The following TBC1D10A variants were observed in gnomAD, a reference collection of about 807,000 sequenced individuals.
TBC1D10A encodes the protein EBP50-PDX interactor of 64 kDa.
In TBC1D10A, 24 loss-of-function variants were observed where a neutral mutation model predicts 52.9. That is an observed-to-expected ratio of 0.45 (90% CI 0.33 to 0.64). The LOEUF (loss-of-function observed/expected upper bound fraction) is 0.64. Ranked by LOEUF, TBC1D10A falls within the 30% of genes least tolerant of loss-of-function variation. TBC1D10A has a pLI of 0.02. For synonymous variants in TBC1D10A, 278 were observed against 282.9 expected (o/e 0.98, Z 0.17); for missense variants, 602 against 687.9 (o/e 0.88, Z 1.40).
Position 30,297,461 on chromosome 22 carries a change from C to G in TBC1D10A, c.418-1618G>C, listed in dbSNP as rs1022119411. ...ATGTGTTCATCTGGCACTTCAGCAG[C>G]CTAAGGCACTTGGCCACACATGGTT... On this transcript the variant is annotated intron_variant, in intron 3 of 8. Transcript: ENST00000215790. This position sits in a 1 kb window ranked among gnomAD's most constrained non-coding sequence, Gnocchi z 4.3. The G allele has an allele frequency of 6.6e-6, 1 of 152,166 alleles. No individual in the cohort carries two copies. The highest frequency in any genetic ancestry group is 2.4e-5 in the African/African-American group (1 of 41,406). The allele number at this position is 152,166 out of a possible 1,614,324, so 9.4% of individuals were successfully genotyped here.
intron 1 of TBC1D10A, chr22:30,307,672 A>C (rs971385380): frequency 3.9e-5 from 6 of 152,236 alleles, no homozygotes; most frequent in Non-Finnish European, 8.8e-5. Context: ...AACAATAATA[A>C]TATCAGCAAC....
At chr22:30,319,367 T>C (rs1930605090) in intron 1 of TBC1D10A, among the ~76,000 whole-genome samples, 1 of 152,228 alleles carries the variant, frequency 6.6e-6, no homozygotes, top group Non-Finnish European at 1.5e-5. Context: ...AGACATCTTG[T>C]TCAGTTCTAT....
In TBC1D10A at chr22:30,293,974, C is replaced by T; in HGVS notation, c.842G>A (p.Arg281Gln). 4 of 1,614,102 alleles carry T rather than the reference C, an allele frequency of 2.5e-6. No homozygotes were observed. The highest frequency in any genetic ancestry group is 2.2e-5 in the South Asian group (2 of 91,084). Residue 281 changes from arginine to glutamine, a missense_variant, in exon 7 of 9, where the codon CGA becomes CAA. Arg to Gln is a conservative substitution (Grantham distance 43, BLOSUM62 1). Transcript: ENST00000215790. ...CAGCACAGAGCTCCAGGGCAAGGTTCGGGAGAAGGCGCACATGAACCATTC... is the reference window on the plus strand; with the variant it reads ...CAGCACAGAGCTCCAGGGCAAGGTTTGGGAGAAGGCGCACATGAACCATTC... ...MTEWFMCAFS[R>Q]TLPWSSVLRV...
At chr22:30,310,592 G>C (rs114665044) in intron 1 of TBC1D10A, among the ~76,000 whole-genome samples, 93 of 152,270 alleles carry the variant, frequency 6.1e-4, no homozygotes, top group African/African-American at 2.2e-3. Flanking sequence ...CACCTCCTCA[G>C]AGAACATTGG....
chr22:30,297,789 A>C lies in TBC1D10A; in HGVS notation c.417+1655T>G, dbSNP rs1449928647. 6.6e-6 allele frequency: 1 copy of C among 152,222 alleles called. No individual in the cohort carries two copies. The highest frequency in any genetic ancestry group is 1.9e-4 in the East Asian group (1 of 5,192). The allele number at this position is 152,222 out of a possible 1,614,324, so 9.4% of individuals were successfully genotyped here. A position where few individuals can be genotyped will look rare whatever the true frequency, so the allele number is the denominator to read the frequency against. ...GGAGGGCCCTGTGGGGAGAGAGCAC[A>C]GAAACAGGTGCATGCTGCCATCACC... is the stretch of plus-strand genomic sequence containing the variant. On this transcript the variant is annotated intron_variant, in intron 3 of 8. Coordinates refer to ENST00000215790, the MANE Select transcript of TBC1D10A (RefSeq NM_031937.3). The surrounding 1 kb of genome is among the most constrained non-coding windows in gnomAD (Gnocchi z 4.3).
intron 1 of TBC1D10A, chr22:30,305,723 C>G (rs969709038): frequency 6.6e-6 from 1 of 152,298 alleles, no homozygotes; most frequent in Non-Finnish European, 1.5e-5. Flanking sequence ...GTTGGAAGAG[C>G]AGAGGGAGGG....
intron 8 of TBC1D10A, 174 bp from the exon 9 acceptor site, chr22:30,293,025 G>C: frequency 1.4e-6 from 1 of 696,988 alleles, no homozygotes; most frequent in African/African-American, 1.8e-5. Context: ...CCACAGCTGA[G>C]TGCCAGGTGA....
intron 1 of TBC1D10A, among the ~76,000 whole-genome samples, chr22:30,318,112 G>A (rs1930575737): frequency 1.3e-5 from 2 of 152,144 alleles, no homozygotes; most frequent in East Asian, 3.8e-4. Flanking sequence ...CCTTGTAAGT[G>A]CTGAGGGGTT....
chr22:30,321,861 T>C (rs1406868663), intron 1 of TBC1D10A, among the ~76,000 whole-genome samples: 1 of 152,116 alleles, frequency 6.6e-6, no homozygotes, highest in Non-Finnish European at 1.5e-5. Context: ...ACTTCCTCTA[T>C]GCTACAGAAG....
chr22:30,293,425 A>G, intron 8 of TBC1D10A: 1 of 749,272 alleles, frequency 1.3e-6, no homozygotes, highest in Non-Finnish European at 2.4e-6. Flanking sequence ...ATTCTTCTTC[A>G]TTCCCAAGCG....
At chr22:30,312,487 C>T (rs541860652) in intron 1 of TBC1D10A, among the ~76,000 whole-genome samples, 1 of 152,314 alleles carries the variant, frequency 6.6e-6, no homozygotes, top group East Asian at 1.9e-4. Context: ...TGTGCCACTG[C>T]ACCCTAGACT....
chr22:30,313,047 G>A (rs1930457271), intron 1 of TBC1D10A, among the ~76,000 whole-genome samples: 1 of 152,138 alleles, frequency 6.6e-6, no homozygotes, highest in Non-Finnish European at 1.5e-5. Flanking sequence ...GCTTTAAAGG[G>A]GAATTGACTT....
intron 1 of TBC1D10A, among the ~76,000 whole-genome samples, chr22:30,315,231 C>T (rs190659924): frequency 6.6e-6 from 1 of 152,298 alleles, no homozygotes; most frequent in East Asian, 1.9e-4. Context: ...CACCCCAAAG[C>T]TGCATTGCTC....
Position 30,326,918 on chromosome 22 carries a change from C to T in TBC1D10A, c.-37G>A. 7.1e-7 allele frequency: 1 copy of T among 1,410,086 alleles called. No individual in the cohort carries two copies. Among genetic ancestry groups the T allele is most frequent in the Non-Finnish European group, 9.2e-7 (1 of 1,085,526 alleles). 87.3% of individuals were successfully genotyped at this position (1,410,086 alleles called of 1,614,324 possible). On this transcript the variant is annotated 5_prime_UTR_variant, in exon 1 of 9. Coordinates refer to ENST00000215790, the MANE Select transcript of TBC1D10A (RefSeq NM_031937.3). Reference sequence around the variant, plus strand: ...CCGCCGCCTGAGCTCCAGCGGCCACCTCAGCCGCCCTGCTGCCGCCGACGC... The same window carrying T: ...CCGCCGCCTGAGCTCCAGCGGCCACTTCAGCCGCCCTGCTGCCGCCGACGC...
rs757070216 is a variant in TBC1D10A, at chr22:30,292,614, G to C, written c.1288C>G (p.Gln430Glu). 90 of 1,613,300 alleles carry C rather than the reference G, an allele frequency of 5.6e-5. No homozygotes were observed. Among genetic ancestry groups the C allele is most frequent in the Non-Finnish European group, 7.5e-5 (88 of 1,179,748 alleles). ...TGTTTCCGCTGCTCCTTCTGGGCCT[G>C]CTTGGGTGGCTTGGGCTTGGCTTTG... Reference protein sequence around the residue: ...GSKAKPKPPKQAQKEQRKQMK... With the variant: ...GSKAKPKPPKEAQKEQRKQMK... Residue 430 changes from glutamine (Q) to glutamate (E), a missense_variant, in exon 9 of 9, where the codon CAG becomes GAG. Physicochemically the swap from Gln to Glu is conservative, Grantham distance 29 (BLOSUM62 2). Coordinates refer to ENST00000215790, the MANE Select transcript of TBC1D10A (RefSeq NM_031937.3).
At chr22:30,306,550 AT>A (rs1301615619) in intron 1 of TBC1D10A, among the ~76,000 whole-genome samples, 2 of 152,150 alleles carry the variant, frequency 1.3e-5, no homozygotes, top group Non-Finnish European at 2.9e-5. Context: ...AAACTACCAT[AT>A]TTCCTGGATT....
chr22:30,302,363 C>G (rs1466060568), intron 2 of TBC1D10A, among the ~76,000 whole-genome samples: 3 of 152,124 alleles, frequency 2.0e-5, no homozygotes, highest in East Asian at 3.9e-4. Context: ...AGACAGCATT[C>G]CAGCCCCAGC....
chr22:30,299,380 G>T, intron 3 of TBC1D10A, 64 bp downstream of exon 3: 1 of 1,500,552 alleles, frequency 6.7e-7, no homozygotes, highest in Non-Finnish European at 9.3e-7. Flanking sequence ...ATGGAGGATT[G>T]CCGCCATGGG....
At chr22:30,304,346 G>A (rs1316162162) in intron 2 of TBC1D10A, among the ~76,000 whole-genome samples, 185 bp downstream of exon 2, 1 of 152,204 alleles carries the variant, frequency 6.6e-6, no homozygotes, top group Non-Finnish European at 1.5e-5. Context: ...AAGTCATTGT[G>A]TTAGGGCCCA....
Sources: gnomAD v4.1 joint callset for allele counts (sites outside exome capture counted in the v4.1 genomes callset) on GRCh38, gnomAD v4.1.1 for gene constraint, Gnocchi (gnomAD v3.1) non-coding constraint, MANE v1.5 for transcripts, NCBI Gene and HGNC (gene_info 2026-07-23, HGNC 2026-07-21) for gene names.